DPF3: variants seen among roughly 807,000 people sequenced by gnomAD.
DPF3 encodes the protein double PHD fingers 3.
DPF3 carries 18 observed loss-of-function variants against 56.8 expected under a neutral mutation model. The observed-to-expected ratio is 0.32, with a 90% CI of 0.22 to 0.47. The LOEUF (loss-of-function observed/expected upper bound fraction) is 0.47. DPF3 is among the 20% of genes least tolerant of loss of function. The probability of loss-of-function intolerance (pLI) is 1.00; values close to 1 mark genes in which losing one functional copy is unlikely to be tolerated. For synonymous variants in DPF3, 188 were observed against 180.2 expected (o/e 1.04, Z -0.35); for missense variants, 403 against 488.8 (o/e 0.82, Z 1.65).
At chr14:72,801,855 C>T (rs1454419015) in intron 1 of DPF3, among the ~76,000 whole-genome samples, 2 of 152,114 alleles carry the variant, frequency 1.3e-5, no homozygotes, top group South Asian at 2.1e-4. Context: ...AGGTGTAGGA[C>T]AGTAGGAGAA....
chr14:72,820,785 A>G (rs1261493283), intron 1 of DPF3, among the ~76,000 whole-genome samples: 3 of 152,192 alleles, frequency 2.0e-5, no homozygotes, highest in Non-Finnish European at 4.4e-5. Context: ...ACTTGAGGTC[A>G]GGAGTTCGAG....
intron 1 of DPF3, among the ~76,000 whole-genome samples, chr14:72,805,344 A>C (rs1484832090): frequency 6.6e-6 from 1 of 151,816 alleles, no homozygotes; most frequent in Non-Finnish European, 1.5e-5. Flanking sequence ...GTGGCAGGTA[A>C]CTGTAATCCC....
chr14:72,645,457 A>C (rs1435023971), intron 8 of DPF3, among the ~76,000 whole-genome samples: 1 of 152,024 alleles, frequency 6.6e-6, no homozygotes. Context: ...AGTAGCTGGG[A>C]CTACAGGTAT....
At chr14:72,692,178 C>T (rs1251189658) in intron 7 of DPF3, among the ~76,000 whole-genome samples, 1 of 152,202 alleles carries the variant, frequency 6.6e-6, no homozygotes, top group East Asian at 1.9e-4. Context: ...CCTTTCACTG[C>T]ATTGAGTTGT....
chr14:72,866,260 G>A (rs1299805129), intron 1 of DPF3, among the ~76,000 whole-genome samples: 1 of 137,644 alleles, frequency 7.3e-6, no homozygotes, highest in Non-Finnish European at 1.7e-5. Flanking sequence ...TCCTGCCACA[G>A]CCTCCACGCA....
At chr14:72,846,621 C>T (rs1418843555) in intron 1 of DPF3, among the ~76,000 whole-genome samples, 3 of 144,610 alleles carry the variant, frequency 2.1e-5, no homozygotes, top group Non-Finnish European at 3.0e-5. Context: ...CAGGCGTGAG[C>T]CACCACGCCC....
intron 1 of DPF3, among the ~76,000 whole-genome samples, chr14:72,803,301 C>T (rs561484735): frequency 4.6e-5 from 7 of 152,174 alleles, no homozygotes; most frequent in Non-Finnish European, 1.0e-4. Context: ...GTAGTCATCC[C>T]ATTCAGACGC....
chr14:72,778,161 G>A (rs1448819128), intron 1 of DPF3, among the ~76,000 whole-genome samples: 4 of 152,290 alleles, frequency 2.6e-5, no homozygotes, highest in Admixed American at 2.6e-4. Flanking sequence ...CTCCAGAACT[G>A]TGACAGACAA....
intron 3 of DPF3, among the ~76,000 whole-genome samples, chr14:72,751,994 CT>C (rs1245482459): frequency 6.6e-6 from 1 of 152,152 alleles, no homozygotes; most frequent in Non-Finnish European, 1.5e-5. Context: ...CCACTCACCC[CT>C]AACAAATAAA....
At chr14:72,709,119 T>C (rs909773098) in intron 6 of DPF3, among the ~76,000 whole-genome samples, 2 of 152,354 alleles carry the variant, frequency 1.3e-5, no homozygotes, top group African/African-American at 2.4e-5. Context: ...ATTCTGATAC[T>C]ACCCCCACTG....
chr14:72,857,167 C>T (rs1885200288), intron 1 of DPF3, among the ~76,000 whole-genome samples: 1 of 152,100 alleles, frequency 6.6e-6, no homozygotes, highest in African/African-American at 2.4e-5. Context: ...ATTTGCTAAG[C>T]TCTTGTCAAG....
intron 8 of DPF3, chr14:72,670,167 CA>C (rs1360748500): frequency 6.1e-6 from 6 of 985,890 alleles, no homozygotes; most frequent in Non-Finnish European, 7.2e-6. Flanking sequence ...CGTTTCTTAA[CA>C]GGGGCAAGGG....
At chr14:72,725,302 G>T (rs1423471044) in intron 4 of DPF3, among the ~76,000 whole-genome samples, 1 of 152,104 alleles carries the variant, frequency 6.6e-6, no homozygotes, top group Non-Finnish European at 1.5e-5. Flanking sequence ...CAAGTTCAAA[G>T]TGCTATGAGA....
chr14:72,829,134 A>G (rs1948711256), intron 1 of DPF3, among the ~76,000 whole-genome samples: 1 of 152,192 alleles, frequency 6.6e-6, no homozygotes, highest in East Asian at 1.9e-4. Flanking sequence ...TGATCAGCAA[A>G]TAAATTTAAC....
At chr14:72,893,021 A>AAGC (rs1886834519) in intron 1 of DPF3, among the ~76,000 whole-genome samples, 1 of 135,454 alleles carries the variant, frequency 7.4e-6, no homozygotes, top group Admixed American at 7.3e-5. Flanking sequence ...GGAAGGAAGG[A>AAGC]AGGATGAAAA....
chr14:72,691,487 G>A (rs528213841), intron 7 of DPF3, among the ~76,000 whole-genome samples: 2 of 152,308 alleles, frequency 1.3e-5, no homozygotes, highest in East Asian at 1.9e-4. Context: ...CCAGCCCTTT[G>A]GGAAGCCAAG....
At chr14:72,697,882 AC>A (rs1354509339) in intron 6 of DPF3, among the ~76,000 whole-genome samples, 1 of 152,082 alleles carries the variant, frequency 6.6e-6, no homozygotes, top group Non-Finnish European at 1.5e-5. Context: ...GCCAGGCCTG[AC>A]CCAGCCCCAC....
chr14:72,760,543 T>C (rs1289087399), intron 2 of DPF3, among the ~76,000 whole-genome samples: 1 of 152,212 alleles, frequency 6.6e-6, no homozygotes, highest in Non-Finnish European at 1.5e-5. Flanking sequence ...AATGTGGATG[T>C]CTGAGGTGAG....
At chr14:72,795,298 ATAT>A (rs1567235232) in intron 1 of DPF3, among the ~76,000 whole-genome samples, 18 of 112,394 alleles carry the variant, frequency 1.6e-4, no homozygotes, top group African/African-American at 4.8e-4. Flanking sequence ...AAAAAAAAAT[ATAT>A]ATATATATAT....
Sources: allele counts gnomAD v4.1 joint callset (sites outside exome capture counted in the v4.1 genomes callset), GRCh38; gene constraint gnomAD v4.1.1; transcripts MANE v1.5; gene names NCBI Gene and HGNC (gene_info 2026-07-23, HGNC 2026-07-21).